TAFA5: variants seen among roughly 807,000 people sequenced by gnomAD.
TAFA5 encodes the protein chemokine-like protein TAFA-5.
In TAFA5, 6 loss-of-function variants were observed where a neutral mutation model predicts 15.3. That is an observed-to-expected ratio of 0.39 (90% CI 0.21 to 0.77). The LOEUF is 0.77. Ranked by LOEUF, TAFA5 falls within the 30% of genes least tolerant of loss-of-function variation. The probability of loss-of-function intolerance (pLI) is 0.41; values close to 1 mark genes in which losing one functional copy is unlikely to be tolerated. For synonymous variants in TAFA5, 103 were observed against 80.7 expected (o/e 1.28, Z -1.48); for missense variants, 161 against 193.1 (o/e 0.83, Z 0.98).
intron 1 of TAFA5, among the ~76,000 whole-genome samples, chr22:48,570,083 C>A (rs1009842566): frequency 1.3e-5 from 2 of 152,234 alleles, no homozygotes; most frequent in African/African-American, 2.4e-5. Context: ...ACTCCCCTGG[C>A]AGGGCCCTCC....
chr22:48,504,664 C>A (rs1002933162), intron 1 of TAFA5, among the ~76,000 whole-genome samples: 1 of 152,206 alleles, frequency 6.6e-6, no homozygotes, highest in South Asian at 2.1e-4. Flanking sequence ...CTCACCTGCC[C>A]CACAGCCAGC....
intron 3 of TAFA5, among the ~76,000 whole-genome samples, chr22:48,725,111 C>T (rs1435385904): frequency 2.6e-5 from 4 of 152,364 alleles, no homozygotes; most frequent in South Asian, 2.1e-4. Flanking sequence ...CTCCAGCTGG[C>T]GGGAAGCCTG....
intron 1 of TAFA5, among the ~76,000 whole-genome samples, chr22:48,563,286 C>T (rs781060680): frequency 6.6e-6 from 1 of 152,180 alleles, no homozygotes; most frequent in East Asian, 1.9e-4. Flanking sequence ...GCGCTTATGT[C>T]GGTTTCCAGA....
At chr22:48,579,448 A>G (rs1923949359) in intron 1 of TAFA5, among the ~76,000 whole-genome samples, 1 of 151,970 alleles carries the variant, frequency 6.6e-6, no homozygotes, top group Non-Finnish European at 1.5e-5. Context: ...CTGTGTCTGC[A>G]TGGGGTGTAG....
At chr22:48,683,943 C>T (rs1046918944) in intron 2 of TAFA5, among the ~76,000 whole-genome samples, 9 of 152,208 alleles carry the variant, frequency 5.9e-5, no homozygotes, top group Non-Finnish European at 1.0e-4. Context: ...CCTTTGCCTT[C>T]TGCCATGATT....
intron 1 of TAFA5, among the ~76,000 whole-genome samples, chr22:48,613,333 C>T (rs1182023037): frequency 1.3e-5 from 2 of 152,296 alleles, no homozygotes; most frequent in Non-Finnish European, 1.5e-5. Context: ...TGTTTCACCT[C>T]CTTGAGCTGA....
At chr22:48,503,656 T>C (rs1029284173) in intron 1 of TAFA5, among the ~76,000 whole-genome samples, 14 of 152,252 alleles carry the variant, frequency 9.2e-5, no homozygotes, top group African/African-American at 3.4e-4. Context: ...GTTTCATTGA[T>C]GAAAATAGAC....
chr22:48,602,888 G>T (rs1228613266), intron 1 of TAFA5, among the ~76,000 whole-genome samples: 1 of 152,204 alleles, frequency 6.6e-6, no homozygotes, highest in Non-Finnish European at 1.5e-5. Flanking sequence ...GACGTGCGGG[G>T]CTGGAGGAGC....
intron 1 of TAFA5, among the ~76,000 whole-genome samples, chr22:48,524,014 G>C (rs1471082062): frequency 1.3e-5 from 2 of 152,232 alleles, no homozygotes; most frequent in Non-Finnish European, 2.9e-5. Context: ...GGGCTGGCCT[G>C]TGATGCCTGT....
At chr22:48,639,095 G>A (rs1218660424) in intron 1 of TAFA5, among the ~76,000 whole-genome samples, 2 of 152,222 alleles carry the variant, frequency 1.3e-5, no homozygotes, top group African/African-American at 4.8e-5. Flanking sequence ...GCCCATGCAG[G>A]TGGGCAGGAC....
chr22:48,727,267 A>G (rs1601701607), intron 3 of TAFA5, among the ~76,000 whole-genome samples: 1 of 152,216 alleles, frequency 6.6e-6, no homozygotes, highest in South Asian at 2.1e-4. Context: ...TATACTCTGT[A>G]TATTATGAAA....
intron 3 of TAFA5, among the ~76,000 whole-genome samples, chr22:48,709,153 A>G (rs132241): frequency 0.72 from 108,779 of 152,074 alleles, 39,064 homozygotes; most frequent in African/African-American, 0.74. Context: ...GGGCCTCCCC[A>G]GGTGTGGGCC....
Position 48,744,612 on chromosome 22 carries a change from G to A in TAFA5, c.391-5227G>A, listed in dbSNP as rs75516483. Among the ~76,000 whole-genome samples, 1,282 of 152,290 alleles carry A rather than the reference G, an allele frequency of 8.4e-3. 19 individuals are homozygous for A. The highest frequency in any genetic ancestry group is 0.028 in the African/African-American group (1,150 of 41,566). On this transcript the variant is annotated intron_variant, in intron 3 of 3. Coordinates refer to ENST00000402357, the MANE Select transcript of TAFA5 (RefSeq NM_001082967.3). ...GTCGCTCTGCAGACACAGCCTCCTC[G>A]TTAGAGAGCGGTGCTAAACCTGTGT...
In TAFA5 at chr22:48,715,645, C is replaced by T. The variant is rs7510690; in HGVS notation, c.390+7801C>T. ...TCTGACCCCTGAGCCCTGTAGGTGT[C>T]ATTACCCCAAGCCTGTCCTGCTGGA... On this transcript the variant is annotated intron_variant, in intron 3 of 3. Transcript: ENST00000402357. Among the ~76,000 whole-genome samples, 687 of 152,312 alleles carry T rather than the reference C, an allele frequency of 4.5e-3. 4 individuals are homozygous for T. The highest frequency in any genetic ancestry group is 0.016 in the African/African-American group (656 of 41,560).
intron 3 of TAFA5, among the ~76,000 whole-genome samples, chr22:48,723,621 C>T (rs952911763): frequency 1.3e-5 from 2 of 152,218 alleles, no homozygotes; most frequent in Admixed American, 6.5e-5. Context: ...ACCATCCTCC[C>T]CCTGCCTGGA....
intron 1 of TAFA5, among the ~76,000 whole-genome samples, chr22:48,628,930 G>A (rs1391045342): frequency 3.3e-5 from 5 of 152,168 alleles, no homozygotes; most frequent in South Asian, 4.1e-4. Flanking sequence ...GAGCTCAGGC[G>A]TGCAGTGTGA....
At chr22:48,534,670 G>C (rs1274510658) in intron 1 of TAFA5, among the ~76,000 whole-genome samples, 1 of 152,208 alleles carries the variant, frequency 6.6e-6, no homozygotes, top group African/African-American at 2.4e-5. Context: ...CCCTGCGGGG[G>C]TGTGGGGAGG....
chr22:48,712,243 G>A (rs1929275691), intron 3 of TAFA5, among the ~76,000 whole-genome samples: 1 of 152,200 alleles, frequency 6.6e-6, no homozygotes, highest in South Asian at 2.1e-4. Flanking sequence ...TTTTAGTAGA[G>A]GCAGGGTTTC....
intron 1 of TAFA5, among the ~76,000 whole-genome samples, chr22:48,518,257 C>T (rs979179294): frequency 1.3e-5 from 2 of 152,204 alleles, no homozygotes; most frequent in Non-Finnish European, 2.9e-5. Context: ...GATTCTCCCT[C>T]CTGTTCTGTG....
Sources: gnomAD v4.1 joint callset for allele counts (sites outside exome capture counted in the v4.1 genomes callset) on GRCh38, gnomAD v4.1.1 for gene constraint, MANE v1.5 for transcripts, NCBI Gene and HGNC (gene_info 2026-07-23, HGNC 2026-07-21) for gene names.